GSE1: variants seen among roughly 807,000 people sequenced by gnomAD.
GSE1 encodes genetic suppressor element 1.
A neutral mutation model predicts 112.6 loss-of-function variants in GSE1; 32 were observed. The ratio of observed to expected loss-of-function variants is 0.28; its 90% CI spans 0.21 to 0.38. The LOEUF (loss-of-function observed/expected upper bound fraction) is 0.38, where lower values mean the gene tolerates loss of function less well. Ranked by LOEUF, GSE1 falls within the 10% of genes least tolerant of loss-of-function variation. The pLI, the probability that GSE1 is intolerant of heterozygous loss-of-function variation, is 1.00. For missense variants in GSE1, 2,348 were observed against 1,699.2 expected (o/e 1.38, Z -6.71); for synonymous variants, 1,115 against 735.6 (o/e 1.52, Z -8.35).
chr16:85,478,723 A>G (rs1018438236), intron 2 of GSE1, among the ~76,000 whole-genome samples: 7 of 149,394 alleles, frequency 4.7e-5, no homozygotes, highest in African/African-American at 1.7e-4. Context: ...GCTGGAGTGC[A>G]GTGGCTCCAT....
chr16:85,570,326 G>C (rs1221073986), intron 1 of GSE1, among the ~76,000 whole-genome samples: 1 of 152,158 alleles, frequency 6.6e-6, no homozygotes, highest in Non-Finnish European at 1.5e-5. Context: ...AATGGGGAGA[G>C]GAAAGACCTG....
rs11297737 is a variant in GSE1, at chr16:85,201,338, GTT to G, written c.2283+29546_2283+29547del. 7.2e-3 allele frequency among the ~76,000 whole-genome samples: 987 copies of G among 136,670 alleles called. 2 individuals carry two copies. The highest frequency in any genetic ancestry group is 0.019 in the Middle Eastern group (5 of 270). The allele number at this position is 136,670 out of a possible 152,430, so 89.7% of individuals were successfully genotyped here. On this transcript the variant is annotated intron_variant, in intron 1 of 2. Transcript: ENST00000637419. ...CTTGCAACTCATGTTTCCCTTTGGT[GTT>G]TTTTTTTTTTTTTTGACTTCAGAAA...
chr16:85,309,189 C>T (rs2045762026), intron 1 of GSE1, among the ~76,000 whole-genome samples: 1 of 152,010 alleles, frequency 6.6e-6, no homozygotes, highest in African/African-American at 2.4e-5. Flanking sequence ...TTTAAATGGT[C>T]CAGTAGCCTC....
At chr16:85,429,255 G>A (rs982258873) in intron 2 of GSE1, among the ~76,000 whole-genome samples, 1 of 152,214 alleles carries the variant, frequency 6.6e-6, no homozygotes, top group African/African-American at 2.4e-5. Flanking sequence ...GCCCGGCAAT[G>A]CCAGGTGCCA....
In GSE1 at chr16:85,673,971, C is replaced by A. The variant is rs771160970; in HGVS notation, c.*1432C>A. 1 of 152,284 alleles carries A rather than the reference C, an allele frequency of 6.6e-6. No homozygotes were observed. The highest frequency in any genetic ancestry group is 2.4e-5 in the African/African-American group (1 of 41,468). The allele number at this position is 152,284 out of a possible 1,614,324, so 9.4% of individuals were successfully genotyped here. A position where few individuals can be genotyped will look rare whatever the true frequency, so the allele number is the denominator to read the frequency against. ...CTTTTTGAACTTACTGTGACAAGCA[C>A]AGGAACGGTCAGAAACTGGGCTCAT... On this transcript the variant is annotated 3_prime_UTR_variant, in exon 16 of 16. Transcript: ENST00000253458.
chr16:85,634,983 G>T (rs901991129), intron 2 of GSE1, among the ~76,000 whole-genome samples: 1 of 152,132 alleles, frequency 6.6e-6, no homozygotes, highest in African/African-American at 2.4e-5. Context: ...GACCCCAGTG[G>T]CATCCGCTTC....
At chr16:85,589,500 C>T (rs956231301) in intron 1 of GSE1, among the ~76,000 whole-genome samples, 4 of 152,182 alleles carry the variant, frequency 2.6e-5, no homozygotes, top group Non-Finnish European at 4.4e-5. Context: ...TTGAGTTTCC[C>T]TGGCATCTCT....
intron 1 of GSE1, among the ~76,000 whole-genome samples, chr16:85,259,382 C>T (rs953191754): frequency 2.0e-5 from 3 of 152,156 alleles, no homozygotes; most frequent in African/African-American, 4.8e-5. Context: ...GCCATGGGCT[C>T]CAGGCACCTG....
chr16:85,416,303 C>T (rs1050908762), intron 2 of GSE1, among the ~76,000 whole-genome samples: 21 of 152,186 alleles, frequency 1.4e-4, no homozygotes, highest in Non-Finnish European at 2.6e-4. Context: ...GGGAGGGGCC[C>T]GGGGCCGGGA....
intron 2 of GSE1, among the ~76,000 whole-genome samples, chr16:85,413,138 G>C (rs930699214): frequency 2.0e-5 from 3 of 152,202 alleles, no homozygotes; most frequent in Non-Finnish European, 4.4e-5. Context: ...TTTGAAGCCT[G>C]TGTGTTTCCG....
At chr16:85,264,655 G>A (rs1908050357) in intron 1 of GSE1, among the ~76,000 whole-genome samples, 1 of 152,138 alleles carries the variant, frequency 6.6e-6, no homozygotes, top group Non-Finnish European at 1.5e-5. Context: ...ACGGCGTCGG[G>A]TGGGCAGTCC....
chr16:85,209,110 C>G (rs1176434012), intron 1 of GSE1, among the ~76,000 whole-genome samples: 1 of 151,474 alleles, frequency 6.6e-6, no homozygotes, highest in East Asian at 1.9e-4. Context: ...TGATGGGGTT[C>G]GCTGTGTGTT....
intron 2 of GSE1, among the ~76,000 whole-genome samples, chr16:85,517,821 G>A (rs567237192): frequency 6.6e-5 from 10 of 152,384 alleles, no homozygotes; most frequent in Non-Finnish European, 1.2e-4. Flanking sequence ...CATGCTGTGC[G>A]GGAGATAAAG....
exon 1 of GSE1, chr16:85,171,300 C>G: frequency 1.0e-6 from 1 of 985,558 alleles, no homozygotes; most frequent in South Asian, 4.7e-5. Context: ...CCGTGTCCAT[C>G]TGCTACATCT....
intron 1 of GSE1, among the ~76,000 whole-genome samples, chr16:85,232,690 C>T (rs1431079851): frequency 6.6e-6 from 1 of 152,216 alleles, no homozygotes; most frequent in African/African-American, 2.4e-5. Context: ...TCCTGCGAAA[C>T]AACAGTCTCC....
chr16:85,506,195 G>A (rs887411182), intron 2 of GSE1, among the ~76,000 whole-genome samples: 11 of 152,326 alleles, frequency 7.2e-5, no homozygotes, highest in African/African-American at 2.4e-4. Context: ...GCAATGTCCT[G>A]TGTGTGGTGC....
At chr16:85,183,548 G>T (rs1330991994) in intron 1 of GSE1, among the ~76,000 whole-genome samples, 1 of 152,204 alleles carries the variant, frequency 6.6e-6, no homozygotes, top group Non-Finnish European at 1.5e-5. Flanking sequence ...ACCCCAGAGG[G>T]TCCCTTCTGA....
intron 2 of GSE1, among the ~76,000 whole-genome samples, chr16:85,363,334 A>G (rs368684764): frequency 5.9e-5 from 9 of 152,242 alleles, no homozygotes; most frequent in South Asian, 2.1e-4. Flanking sequence ...GGGGCAGTCT[A>G]TGGGTTCCTT....
At chr16:85,376,037 G>A (rs1449026691) in intron 2 of GSE1, among the ~76,000 whole-genome samples, 1 of 151,936 alleles carries the variant, frequency 6.6e-6, no homozygotes, top group East Asian at 1.9e-4. Flanking sequence ...CTCCAACTTG[G>A]CCTCCCTTCT....
Sources: allele counts gnomAD v4.1 joint callset (sites outside exome capture counted in the v4.1 genomes callset), GRCh38; gene constraint gnomAD v4.1.1; transcripts MANE v1.5; gene names NCBI Gene and HGNC (gene_info 2026-07-23, HGNC 2026-07-21).